Variants in PLD5 observed in about 807,000 individuals in gnomAD.
The protein encoded by PLD5 is inactive phospholipase D5.
A neutral mutation model predicts 61.1 loss-of-function variants in PLD5; 36 were observed. The ratio of observed to expected loss-of-function variants is 0.59; its 90% CI spans 0.45 to 0.78. PLD5 has a LOEUF of 0.78. PLD5 is among the 30% of genes least tolerant of loss of function. The probability of loss-of-function intolerance (pLI) is 0.00; values close to 1 mark genes in which losing one functional copy is unlikely to be tolerated. For missense variants in PLD5, 515 were observed against 644.4 expected, an observed-to-expected ratio of 0.80 and a Z score of 2.17; for synonymous variants, 243 against 242.8, an observed-to-expected ratio of 1.00 and a Z score of -0.01.
intron 1 of PLD5, among the ~76,000 whole-genome samples, chr1:242,492,211 A>G (rs1252211254): frequency 6.6e-6 from 1 of 152,144 alleles, no homozygotes; most frequent in Non-Finnish European, 1.5e-5. Flanking sequence ...GAAAGAACAG[A>G]TAAAAATAGT....
chr1:242,196,124 G>A (rs1435946559), intron 5 of PLD5, among the ~76,000 whole-genome samples: 2 of 152,248 alleles, frequency 1.3e-5, no homozygotes, highest in East Asian at 3.9e-4. Context: ...AGGCAAAAAT[G>A]TTACCTAGAC....
At chr1:242,334,003 C>T (rs138983126) in intron 2 of PLD5, among the ~76,000 whole-genome samples, 47 of 152,172 alleles carry the variant, frequency 3.1e-4, no homozygotes, top group African/African-American at 1.0e-3. Flanking sequence ...CCTTTCTTTT[C>T]GACATATACC....
intron 1 of PLD5, among the ~76,000 whole-genome samples, chr1:242,448,411 GCAGT>G (rs1666636783): frequency 1.3e-5 from 2 of 152,160 alleles, no homozygotes; most frequent in South Asian, 4.1e-4. Flanking sequence ...CATCAGCTGT[GCAGT>G]CAAATAAGTA....
chr1:242,327,137 T>C (rs1467764365), intron 2 of PLD5, among the ~76,000 whole-genome samples: 1 of 151,948 alleles, frequency 6.6e-6, no homozygotes, highest in Non-Finnish European at 1.5e-5. Flanking sequence ...AGTGCTGGGA[T>C]TACAAGCGTG....
rs573530010 is a variant in PLD5 at position 242,148,033 on chromosome 1, T to A, written c.736-23368A>T. On this transcript the variant is annotated intron_variant, in intron 5 of 9. Transcript: ENST00000536534. The stretch of plus-strand genomic sequence containing the variant: ...AGTACTTAATTTTGATAAAATTCAA[T>A]GTATCCATCCTTTCCCTTATAGATC... 7.9e-5 allele frequency among the ~76,000 whole-genome samples: 12 copies of A among 152,314 alleles called. No individual in the cohort carries two copies. The East Asian group carries it at 2.1e-3, about 27-fold the overall frequency.
intron 5 of PLD5, among the ~76,000 whole-genome samples, chr1:242,218,089 T>G (rs1341591410): frequency 6.6e-6 from 1 of 152,218 alleles, no homozygotes; most frequent in East Asian, 1.9e-4. Context: ...AGGAAGTCAA[T>G]TGATGTGGCC....
intron 1 of PLD5, among the ~76,000 whole-genome samples, chr1:242,440,210 G>T (rs1666207345): frequency 6.6e-6 from 1 of 152,188 alleles, no homozygotes; most frequent in Non-Finnish European, 1.5e-5. Context: ...TTTTCAGATA[G>T]ATATTTCTAT....
chr1:242,288,634 C>T, intron 2 of PLD5, 104 bp from the exon 3 acceptor site: 2 of 1,439,958 alleles, frequency 1.4e-6, no homozygotes, highest in Non-Finnish European at 1.8e-6. Flanking sequence ...ATTCTTTACT[C>T]ATTCTGAATG....
At chr1:242,226,699 A>G (rs1342704097) in intron 4 of PLD5, among the ~76,000 whole-genome samples, 1 of 152,170 alleles carries the variant, frequency 6.6e-6, no homozygotes, top group Non-Finnish European at 1.5e-5. Flanking sequence ...TGGGAAGTCA[A>G]ATGTTAAAAA....
At chr1:242,122,620 T>C in intron 6 of PLD5, among the ~76,000 whole-genome samples, 1 of 152,254 alleles carries the variant, frequency 6.6e-6, no homozygotes, top group Non-Finnish European at 1.5e-5. Context: ...GTCTATATAA[T>C]TTATATTTAT....
intron 1 of PLD5, among the ~76,000 whole-genome samples, chr1:242,404,526 G>A (rs1309560393): frequency 6.6e-6 from 1 of 152,068 alleles, no homozygotes; most frequent in Non-Finnish European, 1.5e-5. Context: ...GGTAGGGAGG[G>A]GTGGGGGATC....
At chr1:242,264,681 T>C (rs1673555753) in intron 4 of PLD5, among the ~76,000 whole-genome samples, 1 of 152,202 alleles carries the variant, frequency 6.6e-6, no homozygotes, top group Non-Finnish European at 1.5e-5. Flanking sequence ...CAAACACGCC[T>C]TTTCCTTTTA....
chr1:242,481,359 C>T (rs1667768938), intron 1 of PLD5, among the ~76,000 whole-genome samples: 1 of 152,216 alleles, frequency 6.6e-6, no homozygotes, highest in South Asian at 2.1e-4. Flanking sequence ...TCACTCCCAC[C>T]TTAATACTGC....
intron 1 of PLD5, among the ~76,000 whole-genome samples, chr1:242,444,818 C>T (rs1303816326): frequency 6.7e-6 from 1 of 149,302 alleles, no homozygotes; most frequent in East Asian, 1.9e-4. Context: ...CCTCATTGGA[C>T]TTTGGGAACA....
At chr1:242,399,842 T>C (rs1184499391) in intron 1 of PLD5, among the ~76,000 whole-genome samples, 1 of 152,108 alleles carries the variant, frequency 6.6e-6, no homozygotes, top group Non-Finnish European at 1.5e-5. Context: ...TACTGTGAAC[T>C]GTGTAGGCGA....
chr1:242,491,600 C>T (rs1318805112), intron 1 of PLD5, among the ~76,000 whole-genome samples: 2 of 152,174 alleles, frequency 1.3e-5, no homozygotes, highest in South Asian at 2.1e-4. Context: ...TTGGGTTCTG[C>T]TCCACAAAGA....
rs554737008 is a variant in PLD5 at position 242,470,088 on chromosome 1, T to A, written c.189+54000A>T. On this transcript the variant is annotated intron_variant, in intron 1 of 9. Transcript: ENST00000536534. ...CGGGTGCGGTGGCTCATGCCTGTAA[T>A]CCCGGCACTCTGGGAGACGGAGGCG... Among the ~76,000 whole-genome samples, 15 of 152,184 alleles carry A rather than the reference T, an allele frequency of 9.9e-5. 1 individual carries two copies. Among genetic ancestry groups the A allele is most frequent in the African/African-American group, 3.4e-4 (14 of 41,532 alleles).
At chr1:242,375,306 A>T (rs1391725041) in intron 1 of PLD5, among the ~76,000 whole-genome samples, 3 of 152,076 alleles carry the variant, frequency 2.0e-5, no homozygotes, top group Admixed American at 2.0e-4. Flanking sequence ...AAGTCCCCCC[A>T]TTCTTCTCAG....
chr1:242,189,445 CAAAAAAAAAAAAA>C (rs58476673), intron 5 of PLD5, among the ~76,000 whole-genome samples: 1 of 70,438 alleles, frequency 1.4e-5, no homozygotes, highest in African/African-American at 4.5e-5. Flanking sequence ...GACTCCATCT[CAAAAAAAAAAAAA>C]AAAAAAAAAA....
Sources: allele counts gnomAD v4.1 joint callset (sites outside exome capture counted in the v4.1 genomes callset), GRCh38; gene constraint gnomAD v4.1.1; transcripts MANE v1.5; gene names NCBI Gene and HGNC (gene_info 2026-07-23, HGNC 2026-07-21).